Variants in CNTN4 observed in about 807,000 individuals in gnomAD.
CNTN4 encodes the protein contactin-4.
CNTN4 carries 77 observed loss-of-function variants against 122.5 expected under a neutral mutation model. The observed-to-expected ratio is 0.63, with a 90% CI of 0.52 to 0.76. CNTN4 has a LOEUF of 0.76. CNTN4 is among the 30% of genes least tolerant of loss of function. The pLI is 0.00. For missense variants in CNTN4, 1,256 were observed against 1,259.1 expected (o/e 1.00, Z 0.04); for synonymous variants, 512 against 447.0 (o/e 1.15, Z -1.83).
chr3:3,056,404 GA>G lies in CNTN4; in HGVS notation c.*186del. The G allele has an allele frequency of 1.7e-6, 1 of 578,344 alleles. No homozygotes were observed. The highest frequency in any genetic ancestry group is 4.7e-4 in the Middle Eastern group (1 of 2,140). The allele number at this position is 578,344 out of a possible 1,614,324, so 35.8% of individuals were successfully genotyped here. A position where few individuals can be genotyped will look rare whatever the true frequency, so the allele number is the denominator to read the frequency against. On this transcript the variant is annotated 3_prime_UTR_variant, in exon 25 of 25. Coordinates refer to ENST00000418658, the MANE Select transcript of CNTN4 (RefSeq NM_175607.3). Reference sequence around the variant, plus strand: ...CCTCAAAGCAAATCTAGCTTTGTCTGAAGTTTCTTTGGAAACTCTGCAATGC... The same window carrying G: ...CCTCAAAGCAAATCTAGCTTTGTCTGAGTTTCTTTGGAAACTCTGCAATGC...
At chr3:2,340,355 C>T (rs1034414349) in intron 3 of CNTN4, among the ~76,000 whole-genome samples, 8 of 151,934 alleles carry the variant, frequency 5.3e-5, no homozygotes, top group Non-Finnish European at 1.0e-4. Context: ...TAATAATTAT[C>T]TCTTGATGGC....
chr3:2,240,317 A>G (rs1217473563), intron 2 of CNTN4, among the ~76,000 whole-genome samples: 1 of 152,132 alleles, frequency 6.6e-6, no homozygotes, highest in Non-Finnish European at 1.5e-5. Flanking sequence ...TCTTACCCTA[A>G]AGTGGGATAA....
At chr3:2,225,142 C>T (rs1251177810) in intron 2 of CNTN4, among the ~76,000 whole-genome samples, 1 of 146,094 alleles carries the variant, frequency 6.8e-6, no homozygotes, top group Admixed American at 6.8e-5. Flanking sequence ...CAGGGCGAGA[C>T]TCTGTACCCA....
At chr3:2,589,245 G>A (rs1228650602) in intron 4 of CNTN4, among the ~76,000 whole-genome samples, 1 of 152,138 alleles carries the variant, frequency 6.6e-6, no homozygotes, top group Non-Finnish European at 1.5e-5. Context: ...AGTAGTAGGA[G>A]ATTTGACACA....
chr3:2,705,971 ATAT>A (rs1246497853), intron 4 of CNTN4, among the ~76,000 whole-genome samples: 1 of 133,804 alleles, frequency 7.5e-6, no homozygotes, highest in Non-Finnish European at 1.5e-5. Context: ...TATAAAATAT[ATAT>A]TATATAAAAT....
At chr3:2,117,212 G>C (rs538014825) in intron 2 of CNTN4, among the ~76,000 whole-genome samples, 3 of 152,110 alleles carry the variant, frequency 2.0e-5, no homozygotes, top group South Asian at 4.1e-4. Flanking sequence ...CCTCCTCCTT[G>C]GGTTCAGTTA....
chr3:2,867,471 T>C (rs1402107400), intron 8 of CNTN4, among the ~76,000 whole-genome samples: 3 of 152,168 alleles, frequency 2.0e-5, no homozygotes, highest in Admixed American at 1.3e-4. Flanking sequence ...ATTCATATAT[T>C]CTTAATTACC....
intron 13 of CNTN4, among the ~76,000 whole-genome samples, chr3:2,928,282 G>A (rs1227730883): frequency 6.6e-6 from 1 of 152,170 alleles, no homozygotes; most frequent in Non-Finnish European, 1.5e-5. Flanking sequence ...ACATGAAGTG[G>A]AACATTTCAT....
intron 2 of CNTN4, among the ~76,000 whole-genome samples, chr3:2,221,889 A>C (rs907230063): frequency 6.6e-6 from 1 of 152,176 alleles, no homozygotes; most frequent in Non-Finnish European, 1.5e-5. Context: ...AAAGACAGTA[A>C]TAACACTTTT....
At chr3:2,482,497 G>C (rs924105461) in intron 3 of CNTN4, among the ~76,000 whole-genome samples, 2 of 152,118 alleles carry the variant, frequency 1.3e-5, no homozygotes, top group Non-Finnish European at 2.9e-5. Context: ...AAGTAATAAG[G>C]AGCTGAATAT....
At position 3,050,462 on chromosome 3, in the gene CNTN4, G is replaced by A. The variant is rs1047658380; in HGVS notation, c.2812-3345G>A. On this transcript the variant is annotated intron_variant, in intron 23 of 24. Transcript: ENST00000418658. ...ACAGGTGGTAGCCAAGGTAGTCTTC[G>A]TTAAAAATCCAGGTTCTGAGGCCGG... is the stretch of plus-strand genomic sequence containing the variant. Among the ~76,000 whole-genome samples, 10 of 152,016 alleles carry A rather than the reference G, an allele frequency of 6.6e-5. No individual in the cohort carries two copies. The East Asian group carries it at 7.8e-4, about 12-fold the overall frequency.
At chr3:2,531,975 C>T (rs1183537249) in intron 3 of CNTN4, among the ~76,000 whole-genome samples, 2 of 152,154 alleles carry the variant, frequency 1.3e-5, no homozygotes, top group Admixed American at 1.3e-4. Context: ...GCCAGCATTA[C>T]AGTGCTAAAG....
intron 2 of CNTN4, among the ~76,000 whole-genome samples, chr3:2,170,249 G>A (rs1343735118): frequency 2.6e-5 from 4 of 151,930 alleles, no homozygotes; most frequent in Admixed American, 6.6e-5. Flanking sequence ...GAACCCGGGA[G>A]GCGGAGCTTG....
At chr3:2,735,124 A>T (rs12638122) in intron 4 of CNTN4, among the ~76,000 whole-genome samples, 86,005 of 152,062 alleles carry the variant, frequency 0.57, 28,230 homozygotes, top group Non-Finnish European at 0.74. Context: ...ACAAGGGAAA[A>T]TAAAGTGTAC....
At chr3:2,892,106 T>C (rs879886812) in intron 10 of CNTN4, 18 of 152,236 alleles carry the variant, frequency 1.2e-4, no homozygotes, top group Non-Finnish European at 2.6e-4. Flanking sequence ...TTTAAGTTTA[T>C]ACAGTAAAAA....
chr3:2,125,330 C>CTGTGTG (rs397721422), intron 2 of CNTN4, among the ~76,000 whole-genome samples: 9,158 of 143,354 alleles, frequency 0.064, 400 homozygotes, highest in African/African-American at 0.12. Context: ...ATTCTATTCT[C>CTGTGTG]TGTGTGTGTG....
At chr3:2,191,255 CTTT>C (rs35365255) in intron 2 of CNTN4, among the ~76,000 whole-genome samples, 1 of 143,766 alleles carries the variant, frequency 7.0e-6, no homozygotes. Flanking sequence ...TTTAATGTGG[CTTT>C]TTTTTTTTTG....
chr3:2,967,717 C>T (rs1692469438), intron 13 of CNTN4, among the ~76,000 whole-genome samples: 1 of 152,056 alleles, frequency 6.6e-6, no homozygotes, highest in Admixed American at 6.6e-5. Context: ...ATACAACTTA[C>T]CCATGATTAA....
chr3:2,782,013 G>A (rs966713467), intron 6 of CNTN4, among the ~76,000 whole-genome samples: 5 of 151,944 alleles, frequency 3.3e-5, no homozygotes, highest in Admixed American at 6.6e-5. Context: ...ATGAGCCACC[G>A]GTAAATTTAA....
Sources: gnomAD v4.1 joint callset for allele counts (sites outside exome capture counted in the v4.1 genomes callset) on GRCh38, gnomAD v4.1.1 for gene constraint, MANE v1.5 for transcripts, NCBI Gene and HGNC (gene_info 2026-07-23, HGNC 2026-07-21) for gene names.